The following JMJD1C variants were observed in gnomAD, a reference collection of about 807,000 sequenced individuals.
The protein encoded by JMJD1C is jumonji domain-containing protein 1C.
In JMJD1C, 31 loss-of-function variants were observed where a neutral mutation model predicts 245.3. The observed-to-expected ratio is 0.13, with a 90% CI of 0.09 to 0.17. JMJD1C has a LOEUF of 0.17. Ranked by LOEUF, JMJD1C falls within the 10% of genes least tolerant of loss-of-function variation. The pLI, the probability that JMJD1C is intolerant of heterozygous loss-of-function variation, is 1.00. For synonymous variants in JMJD1C, 1,057 were observed against 1,017.4 expected, an observed-to-expected ratio of 1.04 and a Z score of -0.74; for missense variants, 2,691 against 3,000.2, an observed-to-expected ratio of 0.90 and a Z score of 2.41.
chr10:63,184,693 A>G lies in JMJD1C; in HGVS notation c.6876T>C (p.Asn2292=), dbSNP rs891610063. 10 of 1,613,680 alleles carry G rather than the reference A, an allele frequency of 6.2e-6. No homozygotes were observed. Among genetic ancestry groups the G allele is most frequent in the Non-Finnish European group, 8.5e-6 (10 of 1,179,700 alleles). The change falls in exon 21 of 26, where the codon AAT becomes AAC. Residue 2292 remains asparagine (N), a synonymous_variant. Coordinates refer to ENST00000399262, the MANE Select transcript of JMJD1C (RefSeq NM_032776.3). ...LKSLPLPEYC[N]PEGKFNLASH... ...AGGCCAAATTGAATTTTCCTTCTGG[A>G]TTACAATATTCTGGCAATGGCAGAC...
chr10:63,458,478 T>A (rs374237306), intron 1 of JMJD1C, among the ~76,000 whole-genome samples: 1 of 151,144 alleles, frequency 6.6e-6, no homozygotes, highest in East Asian at 1.9e-4. Context: ...AGCGAGACCC[T>A]GTCTTTAAAA....
chr10:63,233,132 C>T (rs1409765597), intron 3 of JMJD1C, among the ~76,000 whole-genome samples: 1 of 152,126 alleles, frequency 6.6e-6, no homozygotes, highest in Non-Finnish European at 1.5e-5. Flanking sequence ...AATACAAAAA[C>T]AAACAAGCAA....
intron 2 of JMJD1C, among the ~76,000 whole-genome samples, chr10:63,288,932 A>AATG (rs1858319160): frequency 7.0e-6 from 1 of 143,506 alleles, no homozygotes. Context: ...TAATAATGAT[A>AATG]ATAATCTGTA....
chr10:63,276,884 CTTTTTT>C (rs760452367), intron 2 of JMJD1C, among the ~76,000 whole-genome samples: 1 of 96,254 alleles, frequency 1.0e-5, no homozygotes, highest in African/African-American at 4.3e-5. Flanking sequence ...AAGCTTGGGG[CTTTTTT>C]TTTTTTTTTT....
intron 2 of JMJD1C, among the ~76,000 whole-genome samples, chr10:63,365,998 T>C (rs1266984257): frequency 6.6e-6 from 1 of 152,176 alleles, no homozygotes; most frequent in Non-Finnish European, 1.5e-5. Flanking sequence ...AAGAATTCCA[T>C]AATGAAATGG....
intron 3 of JMJD1C, among the ~76,000 whole-genome samples, chr10:63,249,038 A>AG (rs1852678578): frequency 6.6e-6 from 1 of 152,368 alleles, no homozygotes; most frequent in East Asian, 1.9e-4. Context: ...ATGCTTGGCC[A>AG]GGAGTGGTGG....
intron 1 of JMJD1C, among the ~76,000 whole-genome samples, chr10:63,409,758 T>C (rs1342749482): frequency 6.6e-6 from 1 of 152,168 alleles, no homozygotes; most frequent in Non-Finnish European, 1.5e-5. Flanking sequence ...CAGCGAAGCA[T>C]TTGCTTTTCA....
intron 22 of JMJD1C, among the ~76,000 whole-genome samples, chr10:63,179,089 T>C (rs1259501854): frequency 6.6e-6 from 1 of 152,096 alleles, no homozygotes; most frequent in African/African-American, 2.4e-5. Flanking sequence ...AGGAATCAAC[T>C]TAAGTGTCCA....
At chr10:63,344,094 A>G (rs751628912) in intron 2 of JMJD1C, among the ~76,000 whole-genome samples, 48 of 152,142 alleles carry the variant, frequency 3.2e-4, no homozygotes, top group Admixed American at 5.9e-4. Flanking sequence ...AGCATTTATA[A>G]AGTCTACGGT....
chr10:63,235,130 G>A (rs1589238527), intron 3 of JMJD1C, among the ~76,000 whole-genome samples: 1 of 152,144 alleles, frequency 6.6e-6, no homozygotes, highest in Non-Finnish European at 1.5e-5. Flanking sequence ...AAAACTTGAT[G>A]CAGCGTTTCA....
At chr10:63,459,261 A>G (rs540252926) in intron 1 of JMJD1C, among the ~76,000 whole-genome samples, 2 of 152,218 alleles carry the variant, frequency 1.3e-5, no homozygotes, top group Non-Finnish European at 2.9e-5. Flanking sequence ...ATGAATCATT[A>G]AAAAATGTAG....
intron 2 of JMJD1C, among the ~76,000 whole-genome samples, chr10:63,351,178 C>T (rs1713897170): frequency 6.7e-6 from 1 of 149,736 alleles, no homozygotes; most frequent in Admixed American, 6.6e-5. Context: ...TCCCAGGTTC[C>T]AGCAATTCTC....
intron 3 of JMJD1C, among the ~76,000 whole-genome samples, chr10:63,227,058 A>G (rs150478330): frequency 6.6e-6 from 1 of 152,046 alleles, no homozygotes. Flanking sequence ...GCAGAGTGAG[A>G]CTCTCAAAGA....
At chr10:63,439,375 T>C (rs150983470) in intron 1 of JMJD1C, among the ~76,000 whole-genome samples, 2 of 152,326 alleles carry the variant, frequency 1.3e-5, no homozygotes, top group Non-Finnish European at 2.9e-5. Flanking sequence ...AAAACTATTA[T>C]AAACATCACT....
rs556692858 is a variant in JMJD1C, at chr10:63,203,103, G to T, written c.5075-2426C>A. On this transcript the variant is annotated intron_variant, in intron 10 of 25. Coordinates refer to ENST00000399262, the MANE Select transcript of JMJD1C (RefSeq NM_032776.3). ...GCTTTTTTTCAATAAAAGAATAAAT[G>T]AGTACAAAGACATTAAGGCCCAATT... The T allele has an allele frequency of 1.6e-3, 1,530 of 984,986 alleles. 3 individuals are homozygous for T. The highest frequency in any genetic ancestry group is 1.7e-3 in the Non-Finnish European group (1,378 of 829,658). 61.0% of individuals were successfully genotyped at this position (984,986 alleles called of 1,614,324 possible).
chr10:63,457,767 G>A lies in JMJD1C; in HGVS notation c.168+7728C>T, dbSNP rs1409437271. 2.6e-5 allele frequency among the ~76,000 whole-genome samples: 4 copies of A among 152,174 alleles called. No individual in the cohort carries two copies. The East Asian group carries it at 7.7e-4, about 29-fold the overall frequency. ...CCATTGGCAGAAGCAATATGGCAGA[G>A]TACAGAGATAACAGATTTGAAATCA... On this transcript the variant is annotated intron_variant, in intron 1 of 25. Transcript: ENST00000399262.
At chr10:63,240,961 T>C (rs2133500333) in intron 3 of JMJD1C, among the ~76,000 whole-genome samples, 1 of 152,316 alleles carries the variant, frequency 6.6e-6, no homozygotes, top group South Asian at 2.1e-4. Context: ...AGTATTGTTA[T>C]TCTAAGTCTA....
At chr10:63,363,194 T>C (rs564092298) in intron 2 of JMJD1C, among the ~76,000 whole-genome samples, 2 of 152,092 alleles carry the variant, frequency 1.3e-5, no homozygotes, top group African/African-American at 4.8e-5. Flanking sequence ...AGAGGTTAGC[T>C]TGCCAACTGT....
At chr10:63,412,753 G>A (rs1049686857) in intron 1 of JMJD1C, among the ~76,000 whole-genome samples, 3 of 152,030 alleles carry the variant, frequency 2.0e-5, no homozygotes, top group Admixed American at 2.0e-4. Context: ...ATAAAACTAA[G>A]ATGTACATAT....
Sources: gnomAD v4.1 joint callset for allele counts (sites outside exome capture counted in the v4.1 genomes callset) on GRCh38, gnomAD v4.1.1 for gene constraint, MANE v1.5 for transcripts, NCBI Gene and HGNC (gene_info 2026-07-23, HGNC 2026-07-21) for gene names.